BMPR2: variants seen among roughly 807,000 people sequenced by gnomAD.
The protein encoded by BMPR2 is bone morphogenetic protein receptor type-2.
In BMPR2, 29 loss-of-function variants were observed where a neutral mutation model predicts 100.8. The ratio of observed to expected loss-of-function variants is 0.29; its 90% CI spans 0.21 to 0.39. The LOEUF (loss-of-function observed/expected upper bound fraction) is 0.39, where lower values mean the gene tolerates loss of function less well. Ranked by LOEUF, BMPR2 falls within the 10% of genes least tolerant of loss-of-function variation. The pLI, the probability that BMPR2 is intolerant of heterozygous loss-of-function variation, is 1.00. For synonymous variants in BMPR2, 382 were observed against 442.3 expected, an observed-to-expected ratio of 0.86 and a Z score of 1.71; for missense variants, 1,011 against 1,274.5, an observed-to-expected ratio of 0.79 and a Z score of 3.15.
At chr2:202,384,629 T>C (rs1328659501) in intron 1 of BMPR2, among the ~76,000 whole-genome samples, 2 of 151,628 alleles carry the variant, frequency 1.3e-5, no homozygotes, top group Non-Finnish European at 2.9e-5. Flanking sequence ...GTTTTGCTCT[T>C]GTTGCCCAGG....
rs1371346911 is a variant in BMPR2 at position 202,439,220 on chromosome 2, G to A, written c.77-25589G>A. Among the ~76,000 whole-genome samples the A allele has an allele frequency of 2.0e-5, 3 of 149,746 alleles. 1 individual carries two copies. Among genetic ancestry groups the A allele is most frequent in the African/African-American group, 5.1e-5 (2 of 39,360 alleles). ...TTCCTAATAATTTTGTTCTTTTGATGCTATTATGAATGGGCTCATTTTCTT... is the reference window on the plus strand; with the variant it reads ...TTCCTAATAATTTTGTTCTTTTGATACTATTATGAATGGGCTCATTTTCTT... On this transcript the variant is annotated intron_variant, in intron 1 of 12. Transcript: ENST00000374580.
intron 11 of BMPR2, 37 bp from the exon 12 acceptor site, chr2:202,555,215 T>A: frequency 6.4e-7 from 1 of 1,560,024 alleles, no homozygotes; most frequent in Non-Finnish European, 8.8e-7. Flanking sequence ...GTCATAAATG[T>A]ACGTTCTCAA....
In BMPR2 at chr2:202,456,155, T is replaced by C. The variant is rs939577066; in HGVS notation, c.77-8654T>C. 6.0e-5 allele frequency among the ~76,000 whole-genome samples: 9 copies of C among 149,302 alleles called. No individual in the cohort carries two copies. In the East Asian group the frequency reaches 1.6e-3, roughly 27 times the overall value. ...TCAGATCTCATCACAAAGGACACTA[T>C]GTTTTTTTGTTTGTTTGTTTGTTTT... On this transcript the variant is annotated intron_variant, in intron 1 of 12. Transcript: ENST00000374580.
Position 202,552,848 on chromosome 2 carries a change from C to G in BMPR2, c.1546C>G (p.Pro516Ala). The G allele has an allele frequency of 6.2e-7, 1 of 1,614,086 alleles. No homozygotes were observed. Among genetic ancestry groups the G allele is most frequent in the East Asian group, 2.2e-5 (1 of 44,880 alleles). ...MIWERNKSVS[P>A]TVNPMSTAMQ... ...TTGGGAAAGAAACAAATCTGTGAGC[C>G]CAACAGTCAATCCAATGTCTACTGC... The change falls in exon 11 of 13, where the codon CCA becomes GCA. Residue 516 changes from proline (P) to alanine (A), a missense_variant. Physicochemically the swap from Pro to Ala is conservative, Grantham distance 27 (BLOSUM62 -1). Transcript: ENST00000374580.
rs1201438583 is a variant in BMPR2 at position 202,511,993 on chromosome 2, C to T, written c.419-1726C>T. Among the ~76,000 whole-genome samples, 4 of 150,578 alleles carry T rather than the reference C, an allele frequency of 2.7e-5. No homozygotes were observed. The East Asian group carries it at 7.8e-4, about 29-fold the overall frequency. ...CTGAGATTGCACCACTGAGCTCCAG[C>T]CTGGGCGACAGAGCAAGACTCTCTT... On this transcript the variant is annotated intron_variant, in intron 3 of 12. Transcript: ENST00000374580.
chr2:202,387,576 T>G (rs1690455515), intron 1 of BMPR2, among the ~76,000 whole-genome samples: 2 of 152,236 alleles, frequency 1.3e-5, no homozygotes, highest in African/African-American at 4.8e-5. Context: ...ATTGTCCAGA[T>G]TGAACTATGT....
chr2:202,381,141 A>T (rs376304971), intron 1 of BMPR2, among the ~76,000 whole-genome samples: 1 of 150,980 alleles, frequency 6.6e-6, no homozygotes, highest in African/African-American at 2.4e-5. Context: ...CACCCGGCTA[A>T]TTTTTGTATT....
chr2:202,390,726 TAG>T (rs931218569), intron 1 of BMPR2, among the ~76,000 whole-genome samples: 10 of 152,288 alleles, frequency 6.6e-5, no homozygotes, highest in African/African-American at 2.4e-4. Flanking sequence ...CTTGTTGGTT[TAG>T]AGTCCTTTAA....
At chr2:202,469,100 G>A (rs947449314) in intron 3 of BMPR2, among the ~76,000 whole-genome samples, 5 of 152,024 alleles carry the variant, frequency 3.3e-5, no homozygotes, top group Admixed American at 2.0e-4. Flanking sequence ...GCACGATCTC[G>A]GCTCACCACA....
At chr2:202,486,290 T>G (rs950484047) in intron 3 of BMPR2, among the ~76,000 whole-genome samples, 7 of 152,208 alleles carry the variant, frequency 4.6e-5, no homozygotes, top group African/African-American at 1.4e-4. Context: ...TCTACTTACC[T>G]ATCAACATGA....
intron 1 of BMPR2, among the ~76,000 whole-genome samples, chr2:202,378,747 ATAAT>A (rs1690210593): frequency 5.3e-5 from 8 of 152,306 alleles, no homozygotes; most frequent in Admixed American, 3.3e-4. Context: ...AATATTTTTA[ATAAT>A]TGTAGTTGCT....
chr2:202,475,103 CATAA>C (rs1159418948), intron 3 of BMPR2: 1 of 152,122 alleles, frequency 6.6e-6, no homozygotes, highest in Non-Finnish European at 1.5e-5. Flanking sequence ...TTTTGTTTAA[CATAA>C]ATATTTTCCA....
chr2:202,501,709 A>G (rs2105991454), intron 3 of BMPR2, among the ~76,000 whole-genome samples: 1 of 152,368 alleles, frequency 6.6e-6, no homozygotes, highest in Middle Eastern at 3.4e-3. Flanking sequence ...ATGGCATACT[A>G]GGTGCCAAAG....
intron 1 of BMPR2, among the ~76,000 whole-genome samples, chr2:202,460,814 A>C (rs1692211097): frequency 6.7e-6 from 1 of 149,582 alleles, no homozygotes; most frequent in African/African-American, 2.4e-5. Context: ...AGAAAAGACC[A>C]AACTTTTTTT....
In BMPR2 at chr2:202,530,831, C is replaced by A. The variant is rs1374576605; in HGVS notation, c.1005C>A (p.Asn335Lys). ...YKPAISHRDL[N>K]SRNVLVKNDG... is the part of the protein sequence containing the mutation. Reference sequence around the variant, plus strand: ...CTGCAATTTCCCATCGAGATTTAAACAGCAGAAATGTCCTAGTGAAAAATG... The same window carrying A: ...CTGCAATTTCCCATCGAGATTTAAAAAGCAGAAATGTCCTAGTGAAAAATG... The change falls in exon 8 of 13, where the codon AAC (asparagine) becomes AAA (lysine). Residue 335 changes from asparagine (N) to lysine (K), a missense_variant. Coordinates refer to ENST00000374580, the MANE Select transcript of BMPR2 (RefSeq NM_001204.7). The A allele has an allele frequency of 1.2e-6, 2 of 1,613,542 alleles. No individual in the cohort carries two copies. Among genetic ancestry groups the A allele is most frequent in the Non-Finnish European group, 1.7e-6 (2 of 1,179,646 alleles).
chr2:202,538,665 G>C (rs1375840288), intron 9 of BMPR2, among the ~76,000 whole-genome samples: 3 of 150,998 alleles, frequency 2.0e-5, no homozygotes, highest in African/African-American at 7.3e-5. Flanking sequence ...TTGGTTGTGG[G>C]CACCTGTAAT....
Position 202,376,921 on chromosome 2 carries a change from C to T in BMPR2, c.-554C>T. On this transcript the variant is annotated 5_prime_UTR_variant, in exon 1 of 13. Coordinates refer to ENST00000374580, the MANE Select transcript of BMPR2 (RefSeq NM_001204.7). ...GTCAAGGAAGAGGATTTGTTGTTTT[C>T]GAAATCAGAGTGAAGGAAGCACCGA... is the stretch of plus-strand genomic sequence containing the variant. The T allele has an allele frequency of 2.3e-6, 1 of 437,638 alleles. No individual in the cohort carries two copies. Among genetic ancestry groups the T allele is most frequent in the Non-Finnish European group, 4.0e-6 (1 of 249,998 alleles). The allele number at this position is 437,638 out of a possible 1,614,324, so 27.1% of individuals were successfully genotyped here.
chr2:202,528,014 C>G (rs1007664676), intron 7 of BMPR2, among the ~76,000 whole-genome samples: 2 of 151,634 alleles, frequency 1.3e-5, no homozygotes, highest in African/African-American at 2.4e-5. Flanking sequence ...ATAGTGAGAC[C>G]CCGTCTCTAC....
chr2:202,391,352 G>A (rs1690544650), intron 1 of BMPR2, among the ~76,000 whole-genome samples: 2 of 151,984 alleles, frequency 1.3e-5, no homozygotes, highest in Admixed American at 6.6e-5. Context: ...CACCCAGGCT[G>A]GAGTGCAGTG....
Sources: gnomAD v4.1 joint callset for allele counts (sites outside exome capture counted in the v4.1 genomes callset) on GRCh38, gnomAD v4.1.1 for gene constraint, MANE v1.5 for transcripts, NCBI Gene and HGNC (gene_info 2026-07-23, HGNC 2026-07-21) for gene names.